The following DAAM1 variants were observed in gnomAD, a reference collection of about 807,000 sequenced individuals.
The protein encoded by DAAM1 is disheveled-associated activator of morphogenesis 1.
Under a neutral mutation model 130.0 loss-of-function variants are expected in DAAM1, and 52 were observed. That is an observed-to-expected ratio of 0.40 (90% CI 0.32 to 0.50). DAAM1 has a LOEUF of 0.50. Ranked by LOEUF, DAAM1 falls within the 20% of genes least tolerant of loss-of-function variation. The pLI, the probability that DAAM1 is intolerant of heterozygous loss-of-function variation, is 0.61. For missense variants in DAAM1, 1,134 were observed against 1,303.8 expected, an observed-to-expected ratio of 0.87 and a Z score of 2.01; for synonymous variants, 452 against 444.5, an observed-to-expected ratio of 1.02 and a Z score of -0.21.
intron 14 of DAAM1, 115 bp from the exon 15 acceptor site, chr14:59,331,697 AC>A: frequency 4.0e-6 from 6 of 1,494,504 alleles, no homozygotes; most frequent in Non-Finnish European, 5.4e-6. Context: ...GAAACCCGTC[AC>A]TTTGAGTGTC....
intron 1 of DAAM1, among the ~76,000 whole-genome samples, chr14:59,240,212 C>A (rs1253018): frequency 6.6e-6 from 1 of 152,152 alleles, no homozygotes; most frequent in South Asian, 2.1e-4. Flanking sequence ...TGACCGCCCC[C>A]AGTTCTATGG....
chr14:59,192,154 G>A (rs1887752291), intron 1 of DAAM1, among the ~76,000 whole-genome samples: 2 of 62,150 alleles, frequency 3.2e-5, no homozygotes, highest in Non-Finnish European at 7.8e-5. Context: ...TAAGGGGTGT[G>A]TGTGTGTGTG....
At chr14:59,327,904 A>T (rs1885273851) in intron 12 of DAAM1, among the ~76,000 whole-genome samples, 1 of 152,244 alleles carries the variant, frequency 6.6e-6, no homozygotes, top group South Asian at 2.1e-4. Flanking sequence ...ATTTATGTCC[A>T]TCAGTGTACC....
intron 3 of DAAM1, among the ~76,000 whole-genome samples, chr14:59,305,292 T>C (rs1457776133): frequency 6.6e-6 from 1 of 152,236 alleles, no homozygotes; most frequent in Admixed American, 6.5e-5. Flanking sequence ...GCACAGTGCC[T>C]GCCTGCAGGG....
intron 1 of DAAM1, among the ~76,000 whole-genome samples, chr14:59,245,842 T>A (rs1881345353): frequency 6.6e-6 from 1 of 152,180 alleles, no homozygotes; most frequent in Non-Finnish European, 1.5e-5. Flanking sequence ...GACTAACAAT[T>A]GTAGAGTTGA....
At chr14:59,315,676 A>G (rs1203368969) in intron 4 of DAAM1, among the ~76,000 whole-genome samples, 1 of 152,226 alleles carries the variant, frequency 6.6e-6, no homozygotes, top group African/African-American at 2.4e-5. Flanking sequence ...GAGCTTGGTT[A>G]TGGCAGCACT....
intron 2 of DAAM1, chr14:59,263,933 T>C: frequency 2.1e-6 from 1 of 487,282 alleles, no homozygotes; most frequent in Admixed American, 3.3e-5. Context: ...GTGGCAGTAC[T>C]GCATCTTAAG....
chr14:59,281,559 T>G (rs1594797700), intron 2 of DAAM1, among the ~76,000 whole-genome samples: 3 of 147,214 alleles, frequency 2.0e-5, no homozygotes, highest in East Asian at 2.0e-4. Flanking sequence ...GGAGGGGAGG[T>G]GGGAAGGTCA....
At chr14:59,272,643 A>ATATG (rs61227619) in intron 2 of DAAM1, among the ~76,000 whole-genome samples, 54,619 of 145,780 alleles carry the variant, frequency 0.37, 11,122 homozygotes, top group Middle Eastern at 0.55. Flanking sequence ...ACACACATAT[A>ATATG]TATGTATGTA....
Position 59,367,608 on chromosome 14 carries a change from A to G in DAAM1, c.2997+9A>G. 6.2e-7 allele frequency: 1 copy of G among 1,610,316 alleles called. No individual in the cohort carries two copies. The highest frequency in any genetic ancestry group is 8.5e-7 in the Non-Finnish European group (1 of 1,177,894). On this transcript the variant is annotated intron_variant, in intron 24 of 24. Coordinates refer to ENST00000360909, the MANE Select transcript of DAAM1 (RefSeq NM_001270520.2). ...CTCGCATGGAAGCTCAGGTGAGAGG[A>G]TGATTAATTGACCAATTCCACCTCC...
intron 1 of DAAM1, among the ~76,000 whole-genome samples, chr14:59,209,051 C>A (rs1888349682): frequency 6.6e-6 from 1 of 152,222 alleles, no homozygotes; most frequent in African/African-American, 2.4e-5. Flanking sequence ...TATCCAGCCT[C>A]AGATATTTCT....
rs139639691 is a variant in DAAM1 at position 59,317,392 on chromosome 14, C to A, written c.345+2041C>A. 1.7e-3 allele frequency among the ~76,000 whole-genome samples: 255 copies of A among 152,290 alleles called. 1 individual carries two copies. Among genetic ancestry groups the A allele is most frequent in the Admixed American group, 3.6e-3 (55 of 15,296 alleles). On this transcript the variant is annotated intron_variant, in intron 4 of 24. Transcript: ENST00000360909. The stretch of plus-strand genomic sequence containing the variant: ...TTTCTCAACATTCTGATTGCCACCA[C>A]CGCCTTGCATAGTTCTGGCTAATCA...
chr14:59,301,232 G>A (rs5026841), intron 3 of DAAM1, among the ~76,000 whole-genome samples: 48,405 of 151,818 alleles, frequency 0.32, 8,959 homozygotes, highest in East Asian at 0.57. Context: ...GTAATATAAA[G>A]TGCTCATTAA....
At chr14:59,252,930 T>C (rs1026701981) in intron 1 of DAAM1, among the ~76,000 whole-genome samples, 1 of 152,224 alleles carries the variant, frequency 6.6e-6, no homozygotes, top group Non-Finnish European at 1.5e-5. Flanking sequence ...TTCTTTTAAT[T>C]AGTACAGCTA....
At chr14:59,233,382 A>G (rs1167369936) in intron 1 of DAAM1, among the ~76,000 whole-genome samples, 5 of 152,148 alleles carry the variant, frequency 3.3e-5, no homozygotes, top group Admixed American at 2.6e-4. Context: ...CATTTCTCTA[A>G]TGATCAGTGA....
chr14:59,279,209 A>T (rs1035160205), intron 2 of DAAM1, among the ~76,000 whole-genome samples: 2 of 152,168 alleles, frequency 1.3e-5, no homozygotes, highest in African/African-American at 4.8e-5. Flanking sequence ...ATTTGCAGTC[A>T]TCCCTGCCCT....
At chr14:59,350,854 C>T (rs901386198) in intron 17 of DAAM1, among the ~76,000 whole-genome samples, 7 of 152,096 alleles carry the variant, frequency 4.6e-5, no homozygotes, top group Non-Finnish European at 1.0e-4. Context: ...TTCAGCCCTG[C>T]TTTTTTTCTC....
chr14:59,346,188 C>A (rs867217179), intron 16 of DAAM1, among the ~76,000 whole-genome samples: 2 of 149,072 alleles, frequency 1.3e-5, no homozygotes, highest in Admixed American at 6.7e-5. Flanking sequence ...TATTACTATC[C>A]TTGTTTTACA....
rs1259390816 is a variant in DAAM1 at position 59,240,770 on chromosome 14, C to T, written c.-37-22671C>T. On this transcript the variant is annotated intron_variant, in intron 1 of 24. Coordinates refer to ENST00000360909, the MANE Select transcript of DAAM1 (RefSeq NM_001270520.2). ...TCTCTGGTCGTCTTTGTGTTGTGTG[C>T]CATCCCTAGATCAGTCACTGTCCAG... Among the ~76,000 whole-genome samples, 12 of 152,358 alleles carry T rather than the reference C, an allele frequency of 7.9e-5. No individual in the cohort carries two copies. In the East Asian group the frequency reaches 2.3e-3, roughly 29 times the overall value.
Sources: gnomAD v4.1 joint callset for allele counts (sites outside exome capture counted in the v4.1 genomes callset) on GRCh38, gnomAD v4.1.1 for gene constraint, MANE v1.5 for transcripts, NCBI Gene and HGNC (gene_info 2026-07-23, HGNC 2026-07-21) for gene names.